RAB18: variants seen among roughly 807,000 people sequenced by gnomAD.
RAB18 encodes the protein RAB18, member RAS oncogene family.
RAB18 carries 10 observed loss-of-function variants against 28.5 expected under a neutral mutation model. That is an observed-to-expected ratio of 0.35 (90% CI 0.22 to 0.60). The LOEUF (loss-of-function observed/expected upper bound fraction) is 0.60. RAB18 is among the 20% of genes least tolerant of loss of function. The pLI is 0.78. For missense variants in RAB18, 188 were observed against 244.2 expected, an observed-to-expected ratio of 0.77 and a Z score of 1.53; for synonymous variants, 93 against 86.9, an observed-to-expected ratio of 1.07 and a Z score of -0.39.
At chr10:27,530,138 C>G (rs1834756960) in intron 3 of RAB18, among the ~76,000 whole-genome samples, 1 of 151,912 alleles carries the variant, frequency 6.6e-6, no homozygotes, top group South Asian at 2.1e-4. Flanking sequence ...TGTTTTTCTG[C>G]CAGCTCTGGA....
At chr10:27,527,002 CTT>C (rs749723278) in intron 3 of RAB18, 113 bp downstream of exon 3, 5 of 1,160,320 alleles carry the variant, frequency 4.3e-6, no homozygotes, top group South Asian at 2.5e-5. Context: ...TATTAAATAA[CTT>C]TTGGGAGATT....
At chr10:27,504,475 G>A (rs1837751119) in intron 1 of RAB18, 38 bp downstream of exon 1, 3 of 1,549,238 alleles carry the variant, frequency 1.9e-6, no homozygotes, top group East Asian at 2.4e-5. Context: ...GGGTGGCTGG[G>A]CTCTTTCTGC....
chr10:27,532,399 A>G (rs1319070088), intron 3 of RAB18, 108 bp from the exon 4 acceptor site: 5 of 765,210 alleles, frequency 6.5e-6, no homozygotes, highest in African/African-American at 3.6e-5. Context: ...TAATGAGCTC[A>G]TGCATTAATA....
chr10:27,525,041 G>T (rs1834644358), intron 2 of RAB18, among the ~76,000 whole-genome samples: 1 of 152,188 alleles, frequency 6.6e-6, no homozygotes, highest in Admixed American at 6.5e-5. Flanking sequence ...GACATTGTTA[G>T]TTATCCACAT....
At chr10:27,523,206 A>C (rs897752308) in intron 2 of RAB18, among the ~76,000 whole-genome samples, 15 of 148,656 alleles carry the variant, frequency 1.0e-4, no homozygotes, top group African/African-American at 3.7e-4. Flanking sequence ...TTTGTTTAAA[A>C]TATTTAATTT....
chr10:27,511,332 A>G (rs1834318225), intron 2 of RAB18, among the ~76,000 whole-genome samples: 2 of 152,056 alleles, frequency 1.3e-5, no homozygotes. Context: ...CCACCCAAGT[A>G]GCTGGGACTA....
chr10:27,541,863 T>G lies in RAB18; in HGVS notation c.*3812T>G. On this transcript the variant is annotated 3_prime_UTR_variant, in exon 7 of 7. Coordinates refer to ENST00000356940, the MANE Select transcript of RAB18 (RefSeq NM_021252.5). ...ACCCCTGCAAACAATTGGCATGTGG[T>G]TTGGGTGGCATTGTCACACCCTCGG... 1 of 445,262 alleles carries G rather than the reference T, an allele frequency of 2.2e-6. No individual in the cohort carries two copies. The highest frequency in any genetic ancestry group is 4.5e-6 in the Non-Finnish European group (1 of 224,106). 27.6% of individuals were successfully genotyped at this position (445,262 alleles called of 1,614,324 possible).
intron 3 of RAB18, chr10:27,531,458 C>G: frequency 6.7e-7 from 1 of 1,495,562 alleles, no homozygotes; most frequent in South Asian, 1.3e-5. Flanking sequence ...ATAACAAACC[C>G]TCATTTACAG....
At chr10:27,527,958 T>C (rs1348714192) in intron 3 of RAB18, among the ~76,000 whole-genome samples, 1 of 152,136 alleles carries the variant, frequency 6.6e-6, no homozygotes, top group Non-Finnish European at 1.5e-5. Context: ...CCCCCAAATA[T>C]GTTTAATATC....
At chr10:27,531,475 G>T in intron 3 of RAB18, 1 of 1,526,566 alleles carries the variant, frequency 6.6e-7, no homozygotes, top group South Asian at 1.2e-5. Context: ...ACAGCAGTGG[G>T]ACTGGTAGCT....
In RAB18 at chr10:27,506,586, T is replaced by G. The variant is rs541253695; in HGVS notation, c.68+2149T>G. Among the ~76,000 whole-genome samples, 6 of 152,208 alleles carry G rather than the reference T, an allele frequency of 3.9e-5. No homozygotes were observed. The East Asian group carries it at 1.2e-3, about 29-fold the overall frequency. ...ATCCTCCTGCCTTGACCTCCCAAAG[T>G]GCTAGGAACATAAGCATGAGCCACC... On this transcript the variant is annotated intron_variant, in intron 1 of 6. Transcript: ENST00000356940.
chr10:27,541,465 A>G lies in RAB18; in HGVS notation c.*3414A>G, dbSNP rs1222913355. ...CTAGCTTATTGTTTCATACTTGGGA[A>G]TCAGTCATGTTTCTGATTGTGGTAT... is the stretch of plus-strand genomic sequence containing the variant. On this transcript the variant is annotated 3_prime_UTR_variant, in exon 7 of 7. Coordinates refer to ENST00000356940, the MANE Select transcript of RAB18 (RefSeq NM_021252.5). 2 of 453,594 alleles carry G rather than the reference A, an allele frequency of 4.4e-6. No individual in the cohort carries two copies. Among genetic ancestry groups the G allele is most frequent in the African/African-American group, 2.0e-5 (1 of 49,842 alleles). 28.1% of individuals were successfully genotyped at this position (453,594 alleles called of 1,614,324 possible). A position where few individuals can be genotyped will look rare whatever the true frequency, so the allele number is the denominator to read the frequency against.
chr10:27,510,244 A>C (rs1408975610), intron 2 of RAB18: 1 of 372,956 alleles, frequency 2.7e-6, no homozygotes, highest in Non-Finnish European at 5.0e-6. Flanking sequence ...CAGTTATTTG[A>C]ATACTTATTG....
rs996962321 is a variant in RAB18 at position 27,540,037 on chromosome 10, C to G, written c.*1986C>G. On this transcript the variant is annotated 3_prime_UTR_variant, in exon 7 of 7. Coordinates refer to ENST00000356940, the MANE Select transcript of RAB18 (RefSeq NM_021252.5). ...GGGTTTTGTTAATTCTTTTCAGAAT[C>G]ATTGAAGCAGTCTTAAAGGGTCTTT... 1 of 453,980 alleles carries G rather than the reference C, an allele frequency of 2.2e-6. No individual in the cohort carries two copies. The highest frequency in any genetic ancestry group is 1.6e-5 in the South Asian group (1 of 64,470). 28.1% of individuals were successfully genotyped at this position (453,980 alleles called of 1,614,324 possible).
intron 6 of RAB18, among the ~76,000 whole-genome samples, chr10:27,535,258 G>A (rs1028671645): frequency 6.6e-6 from 1 of 152,116 alleles, no homozygotes; most frequent in Admixed American, 6.5e-5. Flanking sequence ...ATGAGATTTT[G>A]TGCTTTTTTT....
chr10:27,526,807 C>T (rs532568804), intron 2 of RAB18, 21 bp from the exon 3 acceptor site: 1 of 1,612,514 alleles, frequency 6.2e-7, no homozygotes. Flanking sequence ...GGAGACTTAT[C>T]AAAATTTTCA....
intron 2 of RAB18, among the ~76,000 whole-genome samples, chr10:27,518,965 TC>T (rs1164226171): frequency 6.6e-6 from 1 of 152,068 alleles, no homozygotes; most frequent in Non-Finnish European, 1.5e-5. Flanking sequence ...TTCTTTTTTT[TC>T]CTTTTGCATA....
chr10:27,521,142 A>G (rs938664504), intron 2 of RAB18, among the ~76,000 whole-genome samples: 10 of 152,104 alleles, frequency 6.6e-5, no homozygotes, highest in African/African-American at 2.2e-4. Flanking sequence ...ATTCCATTGT[A>G]ATCAGAAAAA....
intron 6 of RAB18, among the ~76,000 whole-genome samples, chr10:27,536,772 A>G (rs1564838630): frequency 1.3e-5 from 2 of 152,218 alleles, no homozygotes; most frequent in Non-Finnish European, 2.9e-5. Flanking sequence ...AAATTAGGAT[A>G]TTGGATTTGA....
Sources: allele counts gnomAD v4.1 joint callset (sites outside exome capture counted in the v4.1 genomes callset), GRCh38; gene constraint gnomAD v4.1.1; transcripts MANE v1.5; gene names NCBI Gene and HGNC (gene_info 2026-07-23, HGNC 2026-07-21).